Variants in MAP2K5 observed in about 807,000 individuals in gnomAD.
The protein encoded by MAP2K5 is mitogen-activated protein kinase kinase 5, also known as dual specificity mitogen-activated protein kinase kinase 5.
In MAP2K5, 49 loss-of-function variants were observed where a neutral mutation model predicts 83.1. The observed-to-expected ratio is 0.59, with a 90% confidence interval of 0.47 to 0.75. MAP2K5 has a LOEUF of 0.75. Ranked by LOEUF, MAP2K5 falls within the 30% of genes least tolerant of loss-of-function variation. MAP2K5 has a pLI of 0.00. For synonymous variants in MAP2K5, 202 were observed against 191.8 expected, an observed-to-expected ratio of 1.05 and a Z score of -0.44; for missense variants, 457 against 557.5, an observed-to-expected ratio of 0.82 and a Z score of 1.82.
intron 17 of MAP2K5, among the ~76,000 whole-genome samples, chr15:67,734,978 T>C (rs1299278941): frequency 1.3e-5 from 2 of 152,212 alleles, no homozygotes; most frequent in Non-Finnish European, 1.5e-5. Flanking sequence ...ACTTTTGTCC[T>C]CACTATTTAG....
intron 19 of MAP2K5, among the ~76,000 whole-genome samples, chr15:67,762,577 A>C (rs1266940758): frequency 6.6e-6 from 1 of 152,104 alleles, no homozygotes; most frequent in Non-Finnish European, 1.5e-5. Context: ...AAAAAAAAAA[A>C]AAAAACAAGC....
rs1317337770 is a variant in MAP2K5, at chr15:67,750,487, G to C, written c.1134+1886G>C. 1.3e-5 allele frequency among the ~76,000 whole-genome samples: 2 copies of C among 152,210 alleles called. No homozygotes were observed. On this transcript the variant is annotated intron_variant, in intron 19 of 21. Transcript: ENST00000178640. The surrounding 1 kb of genome is among the most constrained non-coding windows in gnomAD (Gnocchi z 4.2). Reference sequence around the variant, plus strand: ...CTGCACTTGTCCTATGTGTCTGTCAGAGTTCTCATTGCTGTGATGCAGTGT... The same window carrying C: ...CTGCACTTGTCCTATGTGTCTGTCACAGTTCTCATTGCTGTGATGCAGTGT...
At chr15:67,705,396 A>T (rs1051262562) in intron 16 of MAP2K5, among the ~76,000 whole-genome samples, 1 of 152,128 alleles carries the variant, frequency 6.6e-6, no homozygotes, top group Non-Finnish European at 1.5e-5. Context: ...AGGGATAACT[A>T]AATATGTAAT....
chr15:67,580,422 A>G lies in MAP2K5; in HGVS notation c.253-332A>G, dbSNP rs111842023. ...TTTGCTTTGCAAAATCCAGGGAAAA[A>G]GAGCAAGAGGCAATTTGGGAAATTC... is the stretch of plus-strand genomic sequence containing the variant. On this transcript the variant is annotated intron_variant, in intron 3 of 21. Transcript: ENST00000178640. 9.7e-3 allele frequency among the ~76,000 whole-genome samples: 1,480 copies of G among 152,298 alleles called. 30 individuals are homozygous for G. The highest frequency in any genetic ancestry group is 0.034 in the African/African-American group (1,417 of 41,574).
chr15:67,783,127 C>T lies in MAP2K5; in HGVS notation c.1242+10375C>T, dbSNP rs149285809. On this transcript the variant is annotated intron_variant, in intron 21 of 21. Coordinates refer to ENST00000178640, the MANE Select transcript of MAP2K5 (RefSeq NM_145160.3). The surrounding 1 kb of genome is among the most constrained non-coding windows in gnomAD (Gnocchi z 5.1). ...ACAGATGTGCATTTCAGTCTGCACT[C>T]GCCATTTTTATGTCTTAGCATCTGC... Among the ~76,000 whole-genome samples the T allele has an allele frequency of 2.6e-5, 4 of 152,224 alleles. No individual in the cohort carries two copies. Among genetic ancestry groups the T allele is most frequent in the Admixed American group, 1.3e-4 (2 of 15,294 alleles).
At chr15:67,695,399 G>C (rs967470884) in intron 15 of MAP2K5, among the ~76,000 whole-genome samples, 1 of 151,994 alleles carries the variant, frequency 6.6e-6, no homozygotes, top group Non-Finnish European at 1.5e-5. Context: ...TGTCTTGCAT[G>C]GTTTTTAAAG....
At chr15:67,753,103 C>T (rs1330587863) in intron 19 of MAP2K5, among the ~76,000 whole-genome samples, 1 of 152,156 alleles carries the variant, frequency 6.6e-6, no homozygotes. Context: ...AAAGAATAGT[C>T]TTTTCAACAA....
At position 67,764,569 on chromosome 15, in the gene MAP2K5, C is replaced by G. The variant is rs1339346350; in HGVS notation, c.1135-5033C>G. 6.6e-6 allele frequency among the ~76,000 whole-genome samples: 1 copy of G among 152,198 alleles called. No homozygotes were observed. The highest frequency in any genetic ancestry group is 2.4e-5 in the African/African-American group (1 of 41,444). On this transcript the variant is annotated intron_variant, in intron 19 of 21. Transcript: ENST00000178640. The surrounding 1 kb of genome is among the most constrained non-coding windows in gnomAD (Gnocchi z 4.9). ...ACATCTTATCCCTCTGAACAATACA[C>G]AAATTCTTTGAGGATATGGATTAAG...
At chr15:67,592,782 G>GA (rs1018115771) in intron 6 of MAP2K5, 144 bp from the exon 7 acceptor site, 3 of 631,886 alleles carry the variant, frequency 4.7e-6, no homozygotes, top group African/African-American at 3.8e-5. Flanking sequence ...AGTTACTTTT[G>GA]AAAAAAATTT....
Position 67,786,282 on chromosome 15 carries a change from C to T in MAP2K5, c.1242+13530C>T, listed in dbSNP as rs1162868686. The stretch of plus-strand genomic sequence containing the variant: ...TGAATTGGTAGTCTCTTGGGGTGGT[C>T]TCTGTGGTTGAAAATCCAAACAAGA... On this transcript the variant is annotated intron_variant, in intron 21 of 21. Transcript: ENST00000178640. This position sits in a 1 kb window ranked among gnomAD's most constrained non-coding sequence, Gnocchi z 4.7. 6.6e-6 allele frequency among the ~76,000 whole-genome samples: 1 copy of T among 152,070 alleles called. No individual in the cohort carries two copies. Among genetic ancestry groups the T allele is most frequent in the Non-Finnish European group, 1.5e-5 (1 of 68,008 alleles).
chr15:67,619,036 C>T (rs1251708304), intron 8 of MAP2K5, among the ~76,000 whole-genome samples: 1 of 152,176 alleles, frequency 6.6e-6, no homozygotes, highest in East Asian at 1.9e-4. Flanking sequence ...CCTTACCTCT[C>T]TGACCTCATC....
intron 21 of MAP2K5, among the ~76,000 whole-genome samples, chr15:67,784,057 T>G (rs2090373495): frequency 6.6e-6 from 1 of 152,238 alleles, no homozygotes; most frequent in Non-Finnish European, 1.5e-5. Flanking sequence ...TGATTTATTA[T>G]ATAGAGAGAA....
rs1017225645 is a variant in MAP2K5, at chr15:67,636,210, A to G, written c.585+5283A>G. Among the ~76,000 whole-genome samples, 1 of 152,172 alleles carries G rather than the reference A, an allele frequency of 6.6e-6. No homozygotes were observed. Among genetic ancestry groups the G allele is most frequent in the African/African-American group, 2.4e-5 (1 of 41,442 alleles). The stretch of plus-strand genomic sequence containing the variant: ...GGCGGATCATGAGGTCAGGAGATCG[A>G]GACCATCCTAACACGGTGAAACCCC... On this transcript the variant is annotated intron_variant, in intron 9 of 21. Coordinates refer to ENST00000178640, the MANE Select transcript of MAP2K5 (RefSeq NM_145160.3). This position sits in a 1 kb window ranked among gnomAD's most constrained non-coding sequence, Gnocchi z 4.7.
chr15:67,622,718 TTTCTG>T (rs2086215804), intron 8 of MAP2K5, among the ~76,000 whole-genome samples: 1 of 152,124 alleles, frequency 6.6e-6, no homozygotes, highest in South Asian at 2.1e-4. Flanking sequence ...CATAAATACT[TTTCTG>T]TAGTGTGCCA....
chr15:67,587,531 T>A lies in MAP2K5; in HGVS notation c.431+618T>A, dbSNP rs1336658623. ...TACTCCTTGCCAAATGGTCATCAAA[T>A]CTCTTACTGAACATCCCTGTCGGAG... On this transcript the variant is annotated intron_variant, in intron 6 of 21. Coordinates refer to ENST00000178640, the MANE Select transcript of MAP2K5 (RefSeq NM_145160.3). This position sits in a 1 kb window ranked among gnomAD's most constrained non-coding sequence, Gnocchi z 4.8. Among the ~76,000 whole-genome samples the A allele has an allele frequency of 6.6e-6, 1 of 152,140 alleles. No individual in the cohort carries two copies.
Position 67,748,876 on chromosome 15 carries a change from C to G in MAP2K5, c.1134+275C>G, listed in dbSNP as rs1336106330. On this transcript the variant is annotated intron_variant, in intron 19 of 21. Coordinates refer to ENST00000178640, the MANE Select transcript of MAP2K5 (RefSeq NM_145160.3). The surrounding 1 kb of genome is among the most constrained non-coding windows in gnomAD (Gnocchi z 4.0). ...ACACAATAATATTAATTGACCCTCT[C>G]CCTGGCCAGATGGGGATGGAACTGG... is the stretch of plus-strand genomic sequence containing the variant. 6.6e-6 allele frequency among the ~76,000 whole-genome samples: 1 copy of G among 152,148 alleles called. No individual in the cohort carries two copies. Among genetic ancestry groups the G allele is most frequent in the African/African-American group, 2.4e-5 (1 of 41,410 alleles).
At chr15:67,660,507 T>C (rs2087211082) in intron 12 of MAP2K5, among the ~76,000 whole-genome samples, 1 of 152,284 alleles carries the variant, frequency 6.6e-6, no homozygotes, top group African/African-American at 2.4e-5. Context: ...GAAAGTGTAC[T>C]GAAGATGGCA....
At chr15:67,601,890 C>T (rs555014822) in intron 8 of MAP2K5, among the ~76,000 whole-genome samples, 1 of 152,340 alleles carries the variant, frequency 6.6e-6, no homozygotes, top group East Asian at 1.9e-4. Flanking sequence ...AGATGTGAGT[C>T]CTTTCTCCTG....
rs1226350093 is a variant in MAP2K5, at chr15:67,573,892, A to G, written c.253-6862A>G. Among the ~76,000 whole-genome samples, 1 of 152,028 alleles carries G rather than the reference A, an allele frequency of 6.6e-6. No homozygotes were observed. The highest frequency in any genetic ancestry group is 2.4e-5 in the African/African-American group (1 of 41,394). On this transcript the variant is annotated intron_variant, in intron 3 of 21. Transcript: ENST00000178640. The surrounding 1 kb of genome is among the most constrained non-coding windows in gnomAD (Gnocchi z 4.2). ...TTGTAGTGCAGCGCATCTCCTCCAT[A>G]TGGTTTTTTGCTTTGTTATTTTACA...
Sources: allele counts gnomAD v4.1 joint callset (sites outside exome capture counted in the v4.1 genomes callset), GRCh38; gene constraint gnomAD v4.1.1; non-coding constraint Gnocchi (gnomAD v3.1); transcripts MANE v1.5; gene names NCBI Gene and HGNC (gene_info 2026-07-23, HGNC 2026-07-21).